Variants in NKAIN2 observed in about 807,000 individuals in gnomAD.
NKAIN2 encodes sodium/potassium transporting ATPase interacting 2.
In NKAIN2, 14 loss-of-function variants were observed where a neutral mutation model predicts 32.6. That is an observed-to-expected ratio of 0.43 (90% CI 0.28 to 0.67). The LOEUF (loss-of-function observed/expected upper bound fraction) is 0.67. NKAIN2 is among the 30% of genes least tolerant of loss of function. The pLI, the probability that NKAIN2 is intolerant of heterozygous loss-of-function variation, is 0.17. For missense variants in NKAIN2, 198 were observed against 258.3 expected, an observed-to-expected ratio of 0.77 and a Z score of 1.60; for synonymous variants, 80 against 87.2, an observed-to-expected ratio of 0.92 and a Z score of 0.46.
chr6:124,630,211 T>A (rs1783510701), intron 3 of NKAIN2, among the ~76,000 whole-genome samples: 1 of 152,000 alleles, frequency 6.6e-6, no homozygotes, highest in African/African-American at 2.4e-5. Context: ...GTGAGGGGAA[T>A]ACTGTGATAA....
intron 3 of NKAIN2, among the ~76,000 whole-genome samples, chr6:124,581,266 C>A (rs60167649): frequency 2.3e-3 from 353 of 151,592 alleles, no homozygotes; most frequent in African/African-American, 8.1e-3. Context: ...GGTGAAACCC[C>A]GTCTCTACTA....
chr6:124,567,927 G>A (rs1780981502), intron 3 of NKAIN2, among the ~76,000 whole-genome samples: 1 of 152,166 alleles, frequency 6.6e-6, no homozygotes, highest in African/African-American at 2.4e-5. Context: ...TGTTGACTGG[G>A]TCCCTCTGCT....
intron 3 of NKAIN2, among the ~76,000 whole-genome samples, chr6:124,538,102 C>G (rs1398024612): frequency 2.0e-5 from 3 of 151,996 alleles, no homozygotes; most frequent in African/African-American, 7.2e-5. Flanking sequence ...ATAGTTTATT[C>G]AATACATTCA....
At chr6:124,489,557 A>G (rs898447421) in intron 3 of NKAIN2, among the ~76,000 whole-genome samples, 1 of 151,892 alleles carries the variant, frequency 6.6e-6, no homozygotes, top group Non-Finnish European at 1.5e-5. Context: ...ATATCAGCCT[A>G]CAGTTGGGCA....
chr6:123,871,619 T>C (rs375007883), intron 1 of NKAIN2, among the ~76,000 whole-genome samples: 91 of 152,286 alleles, frequency 6.0e-4, no homozygotes, highest in Admixed American at 1.2e-3. Context: ...GGAGATATAT[T>C]TGGACACTTT....
intron 2 of NKAIN2, among the ~76,000 whole-genome samples, chr6:124,287,832 T>G (rs780874404): frequency 5.3e-5 from 8 of 152,210 alleles, no homozygotes; most frequent in Admixed American, 4.6e-4. Context: ...GGAGCTGCTT[T>G]AGATTATCTA....
intron 1 of NKAIN2, among the ~76,000 whole-genome samples, chr6:124,167,432 G>T (rs1264574641): frequency 2.0e-5 from 3 of 152,112 alleles, no homozygotes; most frequent in East Asian, 3.9e-4. Flanking sequence ...AGACAATGGG[G>T]TTTTTTAGAT....
At chr6:124,760,107 G>T (rs1047476682) in intron 4 of NKAIN2, among the ~76,000 whole-genome samples, 2 of 152,010 alleles carry the variant, frequency 1.3e-5, no homozygotes, top group South Asian at 4.2e-4. Context: ...CATGTTCTTT[G>T]CAGGAACATG....
chr6:124,000,773 T>C (rs142356762), intron 1 of NKAIN2, among the ~76,000 whole-genome samples: 2 of 152,112 alleles, frequency 1.3e-5, no homozygotes. Context: ...TCTTCCACTC[T>C]GGTAGACTAA....
chr6:123,816,525 C>T (rs1773701804), intron 1 of NKAIN2, among the ~76,000 whole-genome samples: 1 of 152,148 alleles, frequency 6.6e-6, no homozygotes, highest in Non-Finnish European at 1.5e-5. Context: ...CCAATTATTT[C>T]TCCGTCAGCA....
chr6:124,022,748 G>A (rs2875843), intron 1 of NKAIN2, among the ~76,000 whole-genome samples: 37,907 of 151,988 alleles, frequency 0.25, 6,398 homozygotes, highest in African/African-American at 0.48. Flanking sequence ...AATTTAAATA[G>A]CTAAGTTAAT....
At chr6:124,267,518 C>T (rs1794557360) in intron 1 of NKAIN2, among the ~76,000 whole-genome samples, 1 of 149,608 alleles carries the variant, frequency 6.7e-6, no homozygotes, top group Admixed American at 6.7e-5. Flanking sequence ...AGTATTTTTC[C>T]TAAACAACAT....
chr6:124,391,085 A>G (rs542553615), intron 3 of NKAIN2: 1 of 152,288 alleles, frequency 6.6e-6, no homozygotes, highest in African/African-American at 2.4e-5. Context: ...ATGAATAACT[A>G]TATTTCCATA....
intron 1 of NKAIN2, among the ~76,000 whole-genome samples, chr6:124,231,728 C>T (rs1240447228): frequency 2.0e-5 from 3 of 152,080 alleles, no homozygotes; most frequent in African/African-American, 7.2e-5. Context: ...CGAGGCCTCC[C>T]CAGCCATATG....
chr6:124,052,401 T>C (rs73770341), intron 1 of NKAIN2, among the ~76,000 whole-genome samples: 2 of 152,030 alleles, frequency 1.3e-5, no homozygotes, highest in African/African-American at 4.8e-5. Context: ...ATGTTTTATG[T>C]TTATTATCCA....
intron 3 of NKAIN2, among the ~76,000 whole-genome samples, chr6:124,499,391 A>G (rs1437068894): frequency 1.3e-5 from 2 of 152,180 alleles, no homozygotes; most frequent in African/African-American, 4.8e-5. Flanking sequence ...TGGGCTTAAG[A>G]AAAGTTAAAT....
intron 1 of NKAIN2, among the ~76,000 whole-genome samples, chr6:123,840,313 G>A (rs745409836): frequency 6.6e-5 from 10 of 151,992 alleles, no homozygotes; most frequent in South Asian, 2.1e-4. Context: ...GAAGATTTAC[G>A]TATAAATTTA....
At chr6:124,621,466 G>A (rs1471435700) in intron 3 of NKAIN2, among the ~76,000 whole-genome samples, 1 of 152,132 alleles carries the variant, frequency 6.6e-6, no homozygotes, top group Non-Finnish European at 1.5e-5. Context: ...AAGACTAGGT[G>A]TCTTTTCAGA....
At chr6:124,049,670 A>G (rs1233454529) in intron 1 of NKAIN2, among the ~76,000 whole-genome samples, 1 of 152,018 alleles carries the variant, frequency 6.6e-6, no homozygotes, top group Admixed American at 6.6e-5. Context: ...GCATGATAAA[A>G]TCTCACACCA....
Sources: gnomAD v4.1 joint callset for allele counts (sites outside exome capture counted in the v4.1 genomes callset) on GRCh38, gnomAD v4.1.1 for gene constraint, MANE v1.5 for transcripts, NCBI Gene and HGNC (gene_info 2026-07-23, HGNC 2026-07-21) for gene names.